MAP4: variants seen among roughly 807,000 people sequenced by gnomAD.
MAP4 encodes the protein microtubule associated protein 4.
In MAP4, 76 loss-of-function variants were observed where a neutral mutation model predicts 170.2. The observed-to-expected ratio is 0.45, with a 90% CI of 0.37 to 0.54. The LOEUF (loss-of-function observed/expected upper bound fraction) is 0.54, where lower values mean the gene tolerates loss of function less well. MAP4 is among the 20% of genes least tolerant of loss of function. The pLI is 0.00. For missense variants in MAP4, 2,506 were observed against 2,748.0 expected (o/e 0.91, Z 1.97); for synonymous variants, 909 against 994.5 (o/e 0.91, Z 1.62).
chr3:47,950,807 G>A (rs896256380), intron 3 of MAP4, among the ~76,000 whole-genome samples: 3 of 152,014 alleles, frequency 2.0e-5, no homozygotes, highest in African/African-American at 4.8e-5. Context: ...TTCTGAGGTG[G>A]CCCCAATCAT....
At chr3:47,862,449 G>C (rs1336695006) in intron 17 of MAP4, among the ~76,000 whole-genome samples, 1 of 147,424 alleles carries the variant, frequency 6.8e-6, no homozygotes, top group East Asian at 2.0e-4. Context: ...TCTTATTAGT[G>C]TTACTATTTT....
chr3:48,025,496 G>A lies in MAP4; in HGVS notation c.-19-26617C>T, dbSNP rs539220708. Reference sequence around the variant, plus strand: ...TAGAGACGGGTTTTCACCACACCGGGCAGGCTGATCTCCAACTCCTGACCT... The same window carrying A: ...TAGAGACGGGTTTTCACCACACCGGACAGGCTGATCTCCAACTCCTGACCT... On this transcript the variant is annotated intron_variant, in intron 1 of 18. Coordinates refer to the MAP4 transcript ENST00000360240. Among the ~76,000 whole-genome samples the A allele has an allele frequency of 5.3e-5, 8 of 151,696 alleles. No homozygotes were observed. In the East Asian group the frequency reaches 1.6e-3, roughly 30 times the overall value.
At chr3:47,882,475 G>C (rs916152413) in intron 10 of MAP4, among the ~76,000 whole-genome samples, 1 of 150,486 alleles carries the variant, frequency 6.6e-6, no homozygotes, top group African/African-American at 2.5e-5. Flanking sequence ...CTCACCCAAG[G>C]TTACCTGAAC....
chr3:48,071,853 A>G (rs1183175865), intron 1 of MAP4, among the ~76,000 whole-genome samples: 1 of 151,920 alleles, frequency 6.6e-6, no homozygotes, highest in East Asian at 1.9e-4. Context: ...GCAGCGAGCC[A>G]AGATCGCGCC....
At chr3:47,897,944 G>C (rs1294076414) in intron 10 of MAP4, among the ~76,000 whole-genome samples, 7 of 146,870 alleles carry the variant, frequency 4.8e-5, no homozygotes, top group Middle Eastern at 3.4e-3. Flanking sequence ...TCCATATCGG[G>C]GGGGGGAAAA....
In MAP4 at chr3:47,977,116, C is replaced by T. The variant is rs570051875; in HGVS notation, c.292+749G>A. On this transcript the variant is annotated intron_variant, in intron 3 of 20. Coordinates refer to ENST00000683076, the MANE Select transcript of MAP4 (RefSeq NM_001385682.1). ...TGGGATTGATCATTAGAAGTCAACTCATTTGGGTTAGCAGTGTTGGCCTGA... is the reference window on the plus strand; with the variant it reads ...TGGGATTGATCATTAGAAGTCAACTTATTTGGGTTAGCAGTGTTGGCCTGA... Among the ~76,000 whole-genome samples the T allele has an allele frequency of 6.4e-4, 98 of 152,316 alleles. 4 individuals are homozygous for T. The highest frequency in any genetic ancestry group is 3.4e-4 in the Non-Finnish European group (23 of 68,028).
chr3:47,975,435 C>T (rs1319263651), intron 3 of MAP4: 1 of 1,567,764 alleles, frequency 6.4e-7, no homozygotes, highest in African/African-American at 1.4e-5. Flanking sequence ...GGTGTTGCAG[C>T]AGCCCCAGTG....
chr3:47,916,300 T>C lies in MAP4; in HGVS notation c.1527A>G (p.Leu509=). ...TGCCCAGAGCCATTTCTGTTTCTGA[T>C]AGTGGAGACATGTCCTTCAACAAGC... The part of the protein sequence containing the change: ...EVGLLKDMSP[L]SETEMALGKD... The change falls in exon 7 of 21, where the codon CTA becomes CTG. Residue 509 remains leucine (L), a synonymous_variant. Coordinates refer to ENST00000683076, the MANE Select transcript of MAP4 (RefSeq NM_001385682.1). 4 of 1,614,228 alleles carry C rather than the reference T, an allele frequency of 2.5e-6. No individual in the cohort carries two copies. The highest frequency in any genetic ancestry group is 3.4e-6 in the Non-Finnish European group (4 of 1,180,038).
intron 2 of MAP4, among the ~76,000 whole-genome samples, chr3:47,986,581 T>C (rs2100088852): frequency 6.6e-6 from 1 of 152,116 alleles, no homozygotes; most frequent in South Asian, 2.1e-4. Flanking sequence ...CCTCAGGTGA[T>C]CCATCTGCCT....
chr3:47,973,783 C>G, intron 3 of MAP4: 1 of 985,370 alleles, frequency 1.0e-6, no homozygotes, highest in Non-Finnish European at 1.2e-6. Flanking sequence ...GAAAAGATCC[C>G]TGGCGAAAGA....
intron 1 of MAP4, among the ~76,000 whole-genome samples, chr3:48,030,934 T>G (rs974193873): frequency 6.6e-5 from 10 of 151,200 alleles, no homozygotes; most frequent in East Asian, 1.9e-4. Context: ...AATAAGCAAG[T>G]CTTCAGTGAA....
At chr3:47,990,202 A>T (rs55772523) in intron 2 of MAP4, among the ~76,000 whole-genome samples, 6,735 of 152,288 alleles carry the variant, frequency 0.044, 224 homozygotes, top group Non-Finnish European at 0.059. Flanking sequence ...TATTAAGGAG[A>T]AATTCTGCAG....
intron 1 of MAP4, among the ~76,000 whole-genome samples, chr3:48,054,614 T>TGTAA (rs986137826): frequency 1.2e-5 from 1 of 83,218 alleles, no homozygotes; most frequent in African/African-American, 5.0e-5. Context: ...TGGGCGACAG[T>TGTAA]GTAAGACTCC....
chr3:48,006,120 A>C (rs907958079), intron 1 of MAP4, among the ~76,000 whole-genome samples: 1 of 152,218 alleles, frequency 6.6e-6, no homozygotes, highest in African/African-American at 2.4e-5. Context: ...GAATGGACAA[A>C]AGACTAATTT....
intron 1 of MAP4, among the ~76,000 whole-genome samples, chr3:48,056,702 TG>T (rs2100131995): frequency 2.9e-5 from 2 of 69,352 alleles, no homozygotes; most frequent in African/African-American, 1.3e-4. Flanking sequence ...CCGCCCCGTC[TG>T]GGAGGTGAGG....
In MAP4 at chr3:47,910,708, A is replaced by T; in HGVS notation, c.3713T>A (p.Ile1238Asn). ...QPARMERKEE[I>N]LNPPFEGKDG... ...CTTCCCTTCAAAAGGTGGGTTAAGG[A>T]TTTCTTCCTTCCTCTCCATTCTAGC... The change falls in exon 9 of 21, where the codon ATC becomes AAC. Residue 1238 changes from isoleucine to asparagine, a missense_variant. Physicochemically the swap from Ile to Asn is moderately radical, Grantham distance 149. This residue lies in a region of MAP4 where 2,008 missense variants were observed against 2,206.0 expected (regional missense o/e 0.91). Transcript: ENST00000683076. 1 of 1,535,892 alleles carries T rather than the reference A, an allele frequency of 6.5e-7. No homozygotes were observed.
At chr3:47,942,597 T>G (rs760897258) in intron 3 of MAP4, among the ~76,000 whole-genome samples, 1 of 152,148 alleles carries the variant, frequency 6.6e-6, no homozygotes, top group Non-Finnish European at 1.5e-5. Context: ...TTTTGCTTTT[T>G]TCATGCACAC....
At chr3:48,006,261 CAATT>C (rs2100102258) in intron 1 of MAP4, among the ~76,000 whole-genome samples, 1 of 152,130 alleles carries the variant, frequency 6.6e-6, no homozygotes, top group African/African-American at 2.4e-5. Flanking sequence ...ACTTTACTGA[CAATT>C]TATGCAGTGA....
At chr3:47,922,258 T>G (rs1228153144) in intron 4 of MAP4, among the ~76,000 whole-genome samples, 1 of 152,166 alleles carries the variant, frequency 6.6e-6, no homozygotes, top group Non-Finnish European at 1.5e-5. Flanking sequence ...CAATATTTCT[T>G]ATTATCCTAT....
Sources: gnomAD v4.1 joint callset for allele counts (sites outside exome capture counted in the v4.1 genomes callset) on GRCh38, gnomAD v4.1.1 for gene constraint, gnomAD v4.1.1 regional missense constraint, MANE v1.5 for transcripts, NCBI Gene and HGNC (gene_info 2026-07-23, HGNC 2026-07-21) for gene names.